Variants in MDGA2 observed in about 807,000 individuals in gnomAD.
MDGA2 encodes MAM domain containing glycosylphosphatidylinositol anchor 2, also known as MAM domain-containing glycosylphosphatidylinositol anchor protein 2.
MDGA2 carries 40 observed loss-of-function variants against 117.8 expected under a neutral mutation model. The observed-to-expected ratio is 0.34, with a 90% CI of 0.26 to 0.44. The LOEUF is 0.44. Ranked by LOEUF, MDGA2 falls within the 20% of genes least tolerant of loss-of-function variation. The pLI, the probability that MDGA2 is intolerant of heterozygous loss-of-function variation, is 1.00. For missense variants in MDGA2, 1,123 were observed against 1,250.6 expected, an observed-to-expected ratio of 0.90 and a Z score of 1.54; for synonymous variants, 452 against 439.0, an observed-to-expected ratio of 1.03 and a Z score of -0.37.
chr14:47,185,848 C>T (rs1157468886), intron 3 of MDGA2, among the ~76,000 whole-genome samples: 3 of 151,434 alleles, frequency 2.0e-5, no homozygotes, highest in South Asian at 2.1e-4. Context: ...AAATTGAGTA[C>T]TATATTTAGT....
intron 3 of MDGA2, among the ~76,000 whole-genome samples, chr14:47,215,595 G>C (rs1210986096): frequency 6.6e-6 from 1 of 151,820 alleles, no homozygotes; most frequent in South Asian, 2.1e-4. Context: ...ACTATCTGAA[G>C]GAATTAATTT....
At chr14:47,597,879 CACACAA>C (rs1466725664) in intron 1 of MDGA2, among the ~76,000 whole-genome samples, 4 of 148,172 alleles carry the variant, frequency 2.7e-5, no homozygotes, top group African/African-American at 1.0e-4. Flanking sequence ...CACACACACA[CACACAA>C]AACACAGAGT....
intron 1 of MDGA2, among the ~76,000 whole-genome samples, chr14:47,565,269 T>G (rs1895895133): frequency 6.6e-6 from 1 of 152,222 alleles, no homozygotes; most frequent in African/African-American, 2.4e-5. Flanking sequence ...TTCAAGTTGC[T>G]GCCTTTTGGA....
chr14:47,493,289 ATT>A (rs1894210954), intron 1 of MDGA2, among the ~76,000 whole-genome samples: 2 of 148,662 alleles, frequency 1.3e-5, no homozygotes, highest in Non-Finnish European at 3.0e-5. Flanking sequence ...TGTAAAATAT[ATT>A]TATATATAAT....
chr14:47,540,255 C>T (rs1228695151), intron 1 of MDGA2, among the ~76,000 whole-genome samples: 16 of 152,080 alleles, frequency 1.1e-4, no homozygotes, highest in South Asian at 4.2e-4. Context: ...CCTCGTGATC[C>T]GCCCGCCTCG....
At chr14:47,295,603 T>C (rs1025165505) in intron 2 of MDGA2, among the ~76,000 whole-genome samples, 12 of 152,266 alleles carry the variant, frequency 7.9e-5, no homozygotes, top group African/African-American at 2.4e-4. Flanking sequence ...TGCTCATTTA[T>C]ATATCAAAAT....
chr14:46,930,487 A>G (rs1038984452), intron 9 of MDGA2, among the ~76,000 whole-genome samples: 25 of 152,214 alleles, frequency 1.6e-4, no homozygotes, highest in Non-Finnish European at 1.3e-4. Flanking sequence ...TTTAAAAATC[A>G]CAAACTTAAA....
intron 6 of MDGA2, among the ~76,000 whole-genome samples, chr14:47,073,522 A>G (rs1890369712): frequency 6.6e-6 from 1 of 152,206 alleles, no homozygotes; most frequent in South Asian, 2.1e-4. Flanking sequence ...ATTTCTGAGC[A>G]CTCACAGCAT....
intron 1 of MDGA2, among the ~76,000 whole-genome samples, chr14:47,443,126 A>C (rs1893048171): frequency 6.6e-6 from 1 of 152,126 alleles, no homozygotes; most frequent in African/African-American, 2.4e-5. Flanking sequence ...GGAAAGCAAA[A>C]AATTGTATGC....
chr14:46,850,832 G>C (rs1367089388), intron 15 of MDGA2, among the ~76,000 whole-genome samples: 8 of 151,884 alleles, frequency 5.3e-5, no homozygotes, highest in African/African-American at 1.7e-4. Context: ...TAACATGAGA[G>C]TCGACTGTTG....
chr14:46,885,582 G>A (rs1362281366), intron 10 of MDGA2, among the ~76,000 whole-genome samples: 1 of 152,174 alleles, frequency 6.6e-6, no homozygotes, highest in African/African-American at 2.4e-5. Flanking sequence ...TTGTATAGAT[G>A]TAAAACAATG....
rs1566643162 is a variant in MDGA2 at position 47,133,125 on chromosome 14, ACAAAC to A, written c.793-1284_793-1280del. Among the ~76,000 whole-genome samples the A allele has an allele frequency of 7.3e-5, 11 of 151,688 alleles. No homozygotes were observed. In the South Asian group the frequency reaches 1.9e-3, roughly 26 times the overall value. ...TCAGTGGTAAAAAAAAAAAAAACAA[ACAAAC>A]AAAAAAAAACTACCTTTCAATTTTT... On this transcript the variant is annotated intron_variant, in intron 4 of 16. Transcript: ENST00000399232.
At chr14:47,510,722 T>C (rs1200519680) in intron 1 of MDGA2, among the ~76,000 whole-genome samples, 2 of 152,224 alleles carry the variant, frequency 1.3e-5, no homozygotes. Context: ...AAATCCAAAC[T>C]GCTTGTGGTT....
chr14:47,032,513 A>G (rs1888698841), intron 8 of MDGA2, among the ~76,000 whole-genome samples: 1 of 152,080 alleles, frequency 6.6e-6, no homozygotes. Flanking sequence ...GTTGAGCCCG[A>G]TTTTACTGAA....
At chr14:46,893,349 G>A (rs751209315) in intron 10 of MDGA2, among the ~76,000 whole-genome samples, 1 of 151,930 alleles carries the variant, frequency 6.6e-6, no homozygotes, top group Non-Finnish European at 1.5e-5. Context: ...GCTACCAGGG[G>A]TGTAAGTGTG....
chr14:46,866,197 T>C (rs965630319), intron 14 of MDGA2, among the ~76,000 whole-genome samples: 38 of 151,966 alleles, frequency 2.5e-4, no homozygotes, highest in Non-Finnish European at 4.0e-4. Flanking sequence ...AACAGAGATA[T>C]AGATCAATGG....
At chr14:47,148,155 TAA>T (rs750046379) in intron 3 of MDGA2, among the ~76,000 whole-genome samples, 9 of 152,104 alleles carry the variant, frequency 5.9e-5, no homozygotes, top group Admixed American at 2.0e-4. Context: ...CACAGAAGCC[TAA>T]AGTTACTGAG....
intron 1 of MDGA2, among the ~76,000 whole-genome samples, chr14:47,622,599 A>C (rs1178676151): frequency 6.7e-6 from 1 of 150,310 alleles, no homozygotes; most frequent in Admixed American, 6.6e-5. Flanking sequence ...ATCTGTTGTC[A>C]ATTAAAGGTG....
At chr14:47,348,578 G>T (rs1248931443) in intron 1 of MDGA2, among the ~76,000 whole-genome samples, 1 of 152,124 alleles carries the variant, frequency 6.6e-6, no homozygotes, top group Non-Finnish European at 1.5e-5. Context: ...TTGCTTGAGA[G>T]AGGGGGATAG....
Sources: allele counts gnomAD v4.1 joint callset (sites outside exome capture counted in the v4.1 genomes callset), GRCh38; gene constraint gnomAD v4.1.1; transcripts MANE v1.5; gene names NCBI Gene and HGNC (gene_info 2026-07-23, HGNC 2026-07-21).